Variants in GRM8 observed in about 807,000 individuals in gnomAD.
GRM8 encodes the protein glutamate metabotropic receptor 8.
In GRM8, 47 loss-of-function variants were observed where a neutral mutation model predicts 87.2. The observed-to-expected ratio is 0.54, with a 90% CI of 0.43 to 0.69. The LOEUF (loss-of-function observed/expected upper bound fraction) is 0.69, where lower values mean the gene tolerates loss of function less well. GRM8 is among the 30% of genes least tolerant of loss of function. The pLI is 0.00. For missense variants in GRM8, 1,019 were observed against 1,139.2 expected (o/e 0.89, Z 1.52); for synonymous variants, 396 against 404.5 (o/e 0.98, Z 0.25).
At chr7:126,716,324 A>ACTAT (rs1448367464) in intron 7 of GRM8, among the ~76,000 whole-genome samples, 1 of 151,930 alleles carries the variant, frequency 6.6e-6, no homozygotes, top group Non-Finnish European at 1.5e-5. Context: ...AATTTCTGTA[A>ACTAT]CTATCTGGAG....
chr7:126,684,358 G>T (rs1262282130), intron 7 of GRM8, among the ~76,000 whole-genome samples: 2 of 152,156 alleles, frequency 1.3e-5, no homozygotes, highest in Non-Finnish European at 2.9e-5. Flanking sequence ...GCTGTAACTT[G>T]TGTCTTTGTA....
At chr7:126,608,795 G>T (rs1798620829) in intron 8 of GRM8, among the ~76,000 whole-genome samples, 1 of 138,460 alleles carries the variant, frequency 7.2e-6, no homozygotes, top group Non-Finnish European at 1.5e-5. Context: ...ACGGAGTCTC[G>T]CTCTGACGCC....
chr7:127,097,186 G>A (rs1199303533), intron 3 of GRM8, among the ~76,000 whole-genome samples: 1 of 152,136 alleles, frequency 6.6e-6, no homozygotes, highest in Non-Finnish European at 1.5e-5. Context: ...TAAGCGCAGG[G>A]ACCCTGGAAG....
intron 7 of GRM8, among the ~76,000 whole-genome samples, chr7:126,675,478 T>C (rs10244659): frequency 0.02 from 3,031 of 152,254 alleles, 106 homozygotes; most frequent in African/African-American, 0.07. Flanking sequence ...TGAACATAGA[T>C]GCAAAAATCC....
intron 6 of GRM8, among the ~76,000 whole-genome samples, chr7:126,831,487 C>T (rs1341702230): frequency 2.6e-5 from 4 of 152,202 alleles, no homozygotes; most frequent in South Asian, 2.1e-4. Flanking sequence ...ACTCCGTGGG[C>T]GTAGGACACT....
chr7:126,609,491 A>G lies in GRM8; in HGVS notation c.1365T>C (p.Ala455=), dbSNP rs1475701593. Residue 455 remains alanine (A), a synonymous_variant, in exon 8 of 11, where the codon GCT becomes GCC. Transcript: ENST00000339582. The part of the protein sequence containing the change: ...YIRAVNFNGS[A]GTPVTFNENG... Reference sequence around the variant, plus strand: ...TTTCATTAAAAGTGACAGGAGTGCCAGCACTGCCTATAAAGATTTAGAAAA... The same window carrying G: ...TTTCATTAAAAGTGACAGGAGTGCCGGCACTGCCTATAAAGATTTAGAAAA... The G allele has an allele frequency of 6.2e-7, 1 of 1,610,768 alleles. No homozygotes were observed. The highest frequency in any genetic ancestry group is 8.5e-7 in the Non-Finnish European group (1 of 1,177,500).
chr7:127,208,034 G>A (rs1381029533), intron 2 of GRM8, among the ~76,000 whole-genome samples: 1 of 152,076 alleles, frequency 6.6e-6, no homozygotes, highest in Non-Finnish European at 1.5e-5. Flanking sequence ...GATTCCACAA[G>A]CCATACCCAC....
chr7:126,688,887 C>CA (rs34285224), intron 7 of GRM8, among the ~76,000 whole-genome samples: 35 of 151,824 alleles, frequency 2.3e-4, no homozygotes, highest in East Asian at 2.1e-3. Context: ...TTTTCCTCTA[C>CA]AAAAAAAAGG....
At chr7:126,803,569 T>C (rs1792324751) in intron 6 of GRM8, among the ~76,000 whole-genome samples, 1 of 152,226 alleles carries the variant, frequency 6.6e-6, no homozygotes, top group Non-Finnish European at 1.5e-5. Flanking sequence ...TAATCAGAGC[T>C]TACATTCTTC....
intron 3 of GRM8, among the ~76,000 whole-genome samples, chr7:127,001,747 A>T (rs758201277): frequency 3.4e-4 from 52 of 151,514 alleles, no homozygotes; most frequent in Non-Finnish European, 2.4e-4. Flanking sequence ...ACCATATCAG[A>T]TTTATTCATA....
At chr7:126,765,747 G>T (rs999348061) in intron 7 of GRM8, among the ~76,000 whole-genome samples, 2 of 152,028 alleles carry the variant, frequency 1.3e-5, no homozygotes, top group African/African-American at 4.8e-5. Flanking sequence ...AGCAATAAAA[G>T]TAACCCTAAA....
intron 5 of GRM8, among the ~76,000 whole-genome samples, chr7:126,903,565 TACACACACACACACAC>T (rs35182354): frequency 2.5e-5 from 3 of 118,580 alleles, no homozygotes; most frequent in African/African-American, 9.9e-5. Context: ...CCTAAATACA[TACACACACACACACAC>T]ACACACACAC....
chr7:126,700,424 A>C (rs953405009), intron 7 of GRM8, among the ~76,000 whole-genome samples: 5 of 152,190 alleles, frequency 3.3e-5, no homozygotes, highest in African/African-American at 1.2e-4. Flanking sequence ...GAAAAGGGCA[A>C]GTAATCTTTT....
At chr7:126,608,855 C>A (rs1798628473) in intron 8 of GRM8, among the ~76,000 whole-genome samples, 1 of 151,742 alleles carries the variant, frequency 6.6e-6, no homozygotes, top group Admixed American at 6.6e-5. Flanking sequence ...GCTCCGCCTC[C>A]CGGGTTCACG....
At chr7:126,452,600 T>C (rs1802748915) in intron 9 of GRM8, among the ~76,000 whole-genome samples, 1 of 151,040 alleles carries the variant, frequency 6.6e-6, no homozygotes, top group Non-Finnish European at 1.5e-5. Context: ...ATCAGAAAAC[T>C]GGAGGACTGG....
At chr7:126,613,649 G>A (rs12540490) in intron 7 of GRM8, among the ~76,000 whole-genome samples, 43,486 of 152,080 alleles carry the variant, frequency 0.29, 7,487 homozygotes, top group South Asian at 0.41. Flanking sequence ...GGTGACAGAC[G>A]GCACCTGGAA....
At chr7:126,464,649 T>C (rs1804286118) in intron 9 of GRM8, among the ~76,000 whole-genome samples, 1 of 151,704 alleles carries the variant, frequency 6.6e-6, no homozygotes, top group African/African-American at 2.4e-5. Context: ...TGCTTTTTGA[T>C]TTGAGGTTGC....
intron 3 of GRM8, among the ~76,000 whole-genome samples, chr7:126,939,552 T>TTA (rs1563335472): frequency 1.3e-5 from 2 of 152,198 alleles, no homozygotes; most frequent in Non-Finnish European, 2.9e-5. Flanking sequence ...GACGGAAACT[T>TTA]TATTACTGCT....
chr7:126,679,902 G>C (rs1374416202), intron 7 of GRM8, among the ~76,000 whole-genome samples: 1 of 152,016 alleles, frequency 6.6e-6, no homozygotes, highest in African/African-American at 2.4e-5. Context: ...CAGGTGGCAG[G>C]CACCTGTAAT....
Sources: gnomAD v4.1 joint callset for allele counts (sites outside exome capture counted in the v4.1 genomes callset) on GRCh38, gnomAD v4.1.1 for gene constraint, MANE v1.5 for transcripts, NCBI Gene and HGNC (gene_info 2026-07-23, HGNC 2026-07-21) for gene names.